PRR16: variants seen among roughly 807,000 people sequenced by gnomAD.
PRR16 encodes the protein protein Largen.
In PRR16, 6 loss-of-function variants were observed where a neutral mutation model predicts 18.2. The ratio of observed to expected loss-of-function variants is 0.33; its 90% CI spans 0.18 to 0.65. PRR16 has a LOEUF of 0.65. Ranked by LOEUF, PRR16 falls within the 30% of genes least tolerant of loss-of-function variation. The probability of loss-of-function intolerance (pLI) is 0.74; values close to 1 mark genes in which losing one functional copy is unlikely to be tolerated. For missense variants in PRR16, 412 were observed against 376.6 expected (o/e 1.09, Z -0.78); for synonymous variants, 151 against 147.8 (o/e 1.02, Z -0.16).
intron 1 of PRR16, among the ~76,000 whole-genome samples, chr5:120,504,458 A>C (rs77653990): frequency 0.012 from 1,834 of 152,266 alleles, 40 homozygotes; most frequent in African/African-American, 0.042. Context: ...GATATATCTA[A>C]AGTCTTTTTC....
At chr5:120,520,491 C>A (rs528621586) in intron 1 of PRR16, among the ~76,000 whole-genome samples, 1 of 152,276 alleles carries the variant, frequency 6.6e-6, no homozygotes, top group African/African-American at 2.4e-5. Context: ...GACAAAGGCA[C>A]GTTTAGGTAG....
the PRR16 span, among the ~76,000 whole-genome samples, chr5:120,717,273 C>G: frequency 6.6e-6 from 1 of 152,108 alleles, no homozygotes; most frequent in African/African-American, 2.4e-5. Flanking sequence ...GGATTTCTAA[C>G]TAGTGGCAGA....
chr5:120,662,317 A>AT (rs573549479), intron 1 of PRR16, among the ~76,000 whole-genome samples: 245 of 152,116 alleles, frequency 1.6e-3, no homozygotes, highest in African/African-American at 5.8e-3. Context: ...GAAATATCTG[A>AT]TTTTTTCCCT....
intron 1 of PRR16, among the ~76,000 whole-genome samples, chr5:120,596,281 A>T (rs908115967): frequency 6.6e-6 from 1 of 151,730 alleles, no homozygotes; most frequent in Admixed American, 6.6e-5. Flanking sequence ...CCTAAACTTC[A>T]TCTGGATACT....
At chr5:120,485,482 T>G (rs997933930) in intron 1 of PRR16, among the ~76,000 whole-genome samples, 5 of 152,238 alleles carry the variant, frequency 3.3e-5, no homozygotes, top group Admixed American at 3.3e-4. Context: ...ATTATCTACA[T>G]GTTTACAACA....
At chr5:120,721,832 C>T in the PRR16 span, among the ~76,000 whole-genome samples, 2 of 152,048 alleles carry the variant, frequency 1.3e-5, no homozygotes, top group Non-Finnish European at 1.5e-5. Flanking sequence ...GTGCTTGCAC[C>T]AGATAGCCCC....
chr5:120,759,078 A>G, the PRR16 span, among the ~76,000 whole-genome samples: 146,807 of 150,388 alleles, frequency 0.98, 71,759 homozygotes, highest in East Asian at 1. Context: ...CCAGGTTCAC[A>G]CCATCCTCCT....
intron 1 of PRR16, among the ~76,000 whole-genome samples, chr5:120,557,884 G>A (rs1443771741): frequency 6.6e-6 from 1 of 151,850 alleles, no homozygotes; most frequent in Non-Finnish European, 1.5e-5. Context: ...ATAATGTTTA[G>A]AAAATATTTC....
intron 1 of PRR16, among the ~76,000 whole-genome samples, chr5:120,522,166 T>C (rs1418313020): frequency 6.6e-6 from 1 of 152,234 alleles, no homozygotes; most frequent in Non-Finnish European, 1.5e-5. Flanking sequence ...GCATGATTTA[T>C]AATCCTTTGG....
intron 1 of PRR16, among the ~76,000 whole-genome samples, chr5:120,619,029 A>AACAG (rs1754603470): frequency 6.6e-6 from 1 of 152,142 alleles, no homozygotes; most frequent in Admixed American, 6.6e-5. Context: ...ATGGTCTATA[A>AACAG]ACAGACAGTA....
At chr5:120,742,792 AAAGTC>A in the PRR16 span, among the ~76,000 whole-genome samples, 1 of 152,216 alleles carries the variant, frequency 6.6e-6, no homozygotes, top group Non-Finnish European at 1.5e-5. Flanking sequence ...TCATGGAACT[AAAGTC>A]AAGGTGTCAG....
chr5:120,638,395 T>C (rs1425642474), intron 1 of PRR16, among the ~76,000 whole-genome samples: 1 of 152,166 alleles, frequency 6.6e-6, no homozygotes, highest in Non-Finnish European at 1.5e-5. Context: ...ACAATGTATT[T>C]GAGCCATTTT....
chr5:120,493,165 A>G (rs1004871378), intron 1 of PRR16, among the ~76,000 whole-genome samples: 1 of 152,210 alleles, frequency 6.6e-6, no homozygotes, highest in Non-Finnish European at 1.5e-5. Context: ...ACTAATTTAC[A>G]TTCCCACCAG....
the PRR16 span, among the ~76,000 whole-genome samples, chr5:120,694,227 A>G: frequency 1.3e-5 from 2 of 152,158 alleles, no homozygotes; most frequent in African/African-American, 4.8e-5. Context: ...TGCTAATGAT[A>G]TTGTTTTCAT....
chr5:120,500,283 A>C (rs1338847067), intron 1 of PRR16, among the ~76,000 whole-genome samples: 2 of 152,190 alleles, frequency 1.3e-5, no homozygotes, highest in Non-Finnish European at 2.9e-5. Context: ...CATTAGGCAA[A>C]AAGAAAACCC....
At chr5:120,492,967 A>G in intron 1 of PRR16, among the ~76,000 whole-genome samples, 1 of 152,148 alleles carries the variant, frequency 6.6e-6, no homozygotes, top group Non-Finnish European at 1.5e-5. Flanking sequence ...TGGCCGATGG[A>G]CACTTAGTTT....
At chr5:120,633,870 G>GGTGGAA (rs1200340588) in intron 1 of PRR16, among the ~76,000 whole-genome samples, 4 of 151,752 alleles carry the variant, frequency 2.6e-5, no homozygotes, top group African/African-American at 9.7e-5. Context: ...TCCACTGACA[G>GGTGGAA]CACTAGATAG....
At chr5:120,505,380 A>C (rs1439458945) in intron 1 of PRR16, among the ~76,000 whole-genome samples, 1 of 152,214 alleles carries the variant, frequency 6.6e-6, no homozygotes, top group Non-Finnish European at 1.5e-5. Flanking sequence ...GTTGCTTAAA[A>C]GGTATTGAAT....
the PRR16 span, among the ~76,000 whole-genome samples, chr5:120,700,841 G>GC: frequency 5.9e-5 from 9 of 152,176 alleles, no homozygotes; most frequent in African/African-American, 1.9e-4. Context: ...AGGCGATCGG[G>GC]CAGTGTCAGT....
Sources: allele counts gnomAD v4.1 joint callset (sites outside exome capture counted in the v4.1 genomes callset), GRCh38; gene constraint gnomAD v4.1.1; transcripts MANE v1.5; gene names NCBI Gene and HGNC (gene_info 2026-07-23, HGNC 2026-07-21).